Variants in PCDH15 observed in about 807,000 individuals in gnomAD.
PCDH15 encodes protocadherin related 15, also known as protocadherin-15.
PCDH15 carries 129 observed loss-of-function variants against 178.5 expected under a neutral mutation model. The ratio of observed to expected loss-of-function variants is 0.72; its 90% confidence interval spans 0.63 to 0.84. The LOEUF (loss-of-function observed/expected upper bound fraction) is 0.84, where lower values mean the gene tolerates loss of function less well. Ranked by LOEUF, PCDH15 falls within the 40% of genes least tolerant of loss-of-function variation. The probability of loss-of-function intolerance (pLI) is 0.00; values close to 1 mark genes in which losing one functional copy is unlikely to be tolerated. For synonymous variants in PCDH15, 800 were observed against 732.0 expected, an observed-to-expected ratio of 1.09 and a Z score of -1.50; for missense variants, 2,230 against 2,099.9, an observed-to-expected ratio of 1.06 and a Z score of -1.21.
intron 6 of PCDH15, among the ~76,000 whole-genome samples, chr10:54,336,545 G>T (rs1941188447): frequency 6.6e-6 from 1 of 152,210 alleles, no homozygotes; most frequent in African/African-American, 2.4e-5. Flanking sequence ...GGCTTCAGAA[G>T]GTGCAAGCCC....
At chr10:54,856,786 G>A (rs1306181823) in intron 3 of PCDH15, among the ~76,000 whole-genome samples, 1 of 152,052 alleles carries the variant, frequency 6.6e-6, no homozygotes, top group Non-Finnish European at 1.5e-5. Flanking sequence ...TGTAGTCTAC[G>A]GATGTGACAT....
chr10:54,517,069 A>G (rs1276949298), intron 3 of PCDH15, among the ~76,000 whole-genome samples: 1 of 152,192 alleles, frequency 6.6e-6, no homozygotes, highest in Non-Finnish European at 1.5e-5. Flanking sequence ...AGCACTAAAC[A>G]TGGAAAGGAA....
intron 15 of PCDH15, among the ~76,000 whole-genome samples, chr10:54,127,842 A>G (rs2042109017): frequency 6.6e-6 from 1 of 152,174 alleles, no homozygotes; most frequent in South Asian, 2.1e-4. Flanking sequence ...GGCTTCATCA[A>G]TGATGTCTCA....
At chr10:55,608,398 CAAGA>C (rs1425381021) in intron 2 of PCDH15, among the ~76,000 whole-genome samples, 1 of 151,266 alleles carries the variant, frequency 6.6e-6, no homozygotes, top group Non-Finnish European at 1.5e-5. Context: ...TTCCAGGACT[CAAGA>C]AAGAGTCTCA....
intron 21 of PCDH15, among the ~76,000 whole-genome samples, chr10:53,986,671 G>A (rs7912757): frequency 6.6e-6 from 1 of 152,196 alleles, no homozygotes; most frequent in Non-Finnish European, 1.5e-5. Context: ...ACTGCCATTT[G>A]TAACAATGTG....
At chr10:54,520,066 G>A (rs1302893864) in intron 3 of PCDH15, among the ~76,000 whole-genome samples, 4 of 152,116 alleles carry the variant, frequency 2.6e-5, no homozygotes. Flanking sequence ...ATTAATTCAA[G>A]ATGGATTAAA....
chr10:55,108,935 G>A (rs1042864926), intron 2 of PCDH15, among the ~76,000 whole-genome samples: 21 of 152,104 alleles, frequency 1.4e-4, no homozygotes, highest in African/African-American at 5.1e-4. Flanking sequence ...CTACCAAAAT[G>A]ATGATCCCCA....
At chr10:54,260,508 G>GA (rs11398508) in intron 8 of PCDH15, among the ~76,000 whole-genome samples, 104,105 of 151,814 alleles carry the variant, frequency 0.69, 36,660 homozygotes, top group Middle Eastern at 0.76. Flanking sequence ...TCATTTTAAT[G>GA]ATTTATATAG....
chr10:54,705,719 T>A (rs1396226546), intron 1 of PCDH15, among the ~76,000 whole-genome samples: 1 of 152,184 alleles, frequency 6.6e-6, no homozygotes, highest in Non-Finnish European at 1.5e-5. Context: ...AAGCTTTATC[T>A]GATTTGAAGA....
intron 2 of PCDH15, among the ~76,000 whole-genome samples, chr10:55,458,422 T>C (rs1240389476): frequency 6.6e-6 from 1 of 152,058 alleles, no homozygotes; most frequent in Non-Finnish European, 1.5e-5. Context: ...ACTTCTCTTA[T>C]CTATAAAATA....
intron 1 of PCDH15, among the ~76,000 whole-genome samples, chr10:55,166,814 T>C (rs1025471781): frequency 2.0e-5 from 3 of 152,176 alleles, no homozygotes; most frequent in African/African-American, 7.2e-5. Context: ...AGTAAAAGAT[T>C]GCAAGAATCT....
At chr10:54,177,969 T>A (rs1336545688) in intron 13 of PCDH15, among the ~76,000 whole-genome samples, 2 of 152,080 alleles carry the variant, frequency 1.3e-5, no homozygotes, top group Non-Finnish European at 2.9e-5. Flanking sequence ...CATTTAACTT[T>A]GGGAGACAAG....
rs1301236232 is a variant in PCDH15, at chr10:53,897,460, TA to T, written c.3501+5782del. On this transcript the variant is annotated intron_variant, in intron 26 of 37. Transcript: ENST00000644397. ...AACATTTTATAAATTAAAAATAGTT[TA>T]AAAAAGGTGTTCACATTCTTTCAAT... 6.6e-5 allele frequency among the ~76,000 whole-genome samples: 10 copies of T among 152,200 alleles called. 1 individual carries two copies. Among genetic ancestry groups the T allele is most frequent in the Admixed American group, 5.2e-4 (8 of 15,286 alleles).
chr10:54,568,608 G>A (rs1404763999), intron 2 of PCDH15: 1 of 151,948 alleles, frequency 6.6e-6, no homozygotes, highest in Non-Finnish European at 1.5e-5. Context: ...ATACTGAGAG[G>A]ACAAAGAGCA....
chr10:55,078,913 C>T (rs1296214424), intron 2 of PCDH15, among the ~76,000 whole-genome samples: 2 of 152,064 alleles, frequency 1.3e-5, no homozygotes, highest in South Asian at 2.1e-4. Context: ...CTTAGAATAA[C>T]GACCTCCAGC....
intron 15 of PCDH15, among the ~76,000 whole-genome samples, chr10:54,110,647 A>G (rs1564442960): frequency 6.6e-6 from 1 of 152,178 alleles, no homozygotes; most frequent in Non-Finnish European, 1.5e-5. Flanking sequence ...GGCTCAGTCC[A>G]CTTCTATTGC....
chr10:53,823,277 C>A, intron 32 of PCDH15: 1 of 1,613,980 alleles, frequency 6.2e-7, no homozygotes, highest in Non-Finnish European at 8.5e-7. Context: ...AAGAAAAGGG[C>A]ATCACAACTT....
intron 20 of PCDH15, among the ~76,000 whole-genome samples, chr10:54,008,108 A>T (rs1369073310): frequency 6.6e-6 from 1 of 152,232 alleles, no homozygotes; most frequent in East Asian, 1.9e-4. Context: ...AGCAAGTGTC[A>T]GTCTACATTT....
intron 1 of PCDH15, among the ~76,000 whole-genome samples, chr10:55,287,686 T>A (rs1356176022): frequency 6.6e-6 from 1 of 152,036 alleles, no homozygotes. Context: ...TGTGTGTGTA[T>A]GTGTGTGTTT....
Sources: gnomAD v4.1 joint callset for allele counts (sites outside exome capture counted in the v4.1 genomes callset) on GRCh38, gnomAD v4.1.1 for gene constraint, MANE v1.5 for transcripts, NCBI Gene and HGNC (gene_info 2026-07-23, HGNC 2026-07-21) for gene names.